MBTPS1: variants seen among roughly 807,000 people sequenced by gnomAD.
MBTPS1 encodes the protein membrane bound transcription factor peptidase, site 1, also known as membrane-bound transcription factor site-1 protease.
MBTPS1 carries 94 observed loss-of-function variants against 127.8 expected under a neutral mutation model. That is an observed-to-expected ratio of 0.74 (90% confidence interval 0.62 to 0.87). MBTPS1 has a LOEUF of 0.87. Ranked by LOEUF, MBTPS1 falls within the 40% of genes least tolerant of loss-of-function variation. MBTPS1 has a pLI of 0.00. For missense variants in MBTPS1, 1,636 were observed against 1,353.2 expected, an observed-to-expected ratio of 1.21 and a Z score of -3.28; for synonymous variants, 632 against 509.4, an observed-to-expected ratio of 1.24 and a Z score of -3.24.
Position 84,060,687 on chromosome 16 carries a change from A to T in MBTPS1, c.2699T>A (p.Met900Lys), listed in dbSNP as rs778374749. Residue 900 changes from methionine to lysine, a missense_variant, in exon 20 of 23, where the codon ATG becomes AAG. Met to Lys is a moderately conservative substitution (Grantham distance 95, BLOSUM62 -1). Coordinates refer to ENST00000343411, the MANE Select transcript of MBTPS1 (RefSeq NM_003791.4). ...CATCCTGCCCATCCACTCACCTTCC[A>T]TCCTCTCTGGAGTGACTGAGCCTGC... ...SGAGSVTPER[M>K]EGNHLHRYSK... The T allele has an allele frequency of 3.7e-6, 6 of 1,613,484 alleles. No homozygotes were observed. In the South Asian group the frequency reaches 5.5e-5, roughly 15 times the overall value.
chr16:84,099,138 C>G lies in MBTPS1; in HGVS notation c.336G>C (p.Ala112=), dbSNP rs776390232. ...EVIQIKEKQK[A]GLLTLEDHPN... The stretch of plus-strand genomic sequence containing the variant: ...GATGATCTTCAAGTGTTAGCAGCCC[C>G]GCTTTCTGTTTTTCTTTTATCTGAA... The change falls in exon 3 of 23, where the codon GCG becomes GCC. Residue 112 remains alanine, a synonymous_variant. Coordinates refer to ENST00000343411, the MANE Select transcript of MBTPS1 (RefSeq NM_003791.4). 3.5e-5 allele frequency: 56 copies of G among 1,614,112 alleles called. No individual in the cohort carries two copies. Among genetic ancestry groups the G allele is most frequent in the Non-Finnish European group, 4.6e-5 (54 of 1,180,016 alleles).
intron 3 of MBTPS1, among the ~76,000 whole-genome samples, chr16:84,097,837 C>CGTGTGTGTGTGTGTGTGT (rs71382894): frequency 4.3e-4 from 62 of 143,106 alleles, no homozygotes; most frequent in African/African-American, 1.3e-3. Flanking sequence ...AACTTCTCTT[C>CGTGTGTGTGTGTGTGTGT]GTGTGTGTGT....
rs553889401 is a variant in MBTPS1, at chr16:84,085,240, T to A, written c.1135-106A>T. ...ACAGAGATATGGGTTAGTTAAAAACTGTATAACCTTAGGAAGGTACTGGTT... is the reference window on the plus strand; with the variant it reads ...ACAGAGATATGGGTTAGTTAAAAACAGTATAACCTTAGGAAGGTACTGGTT... On this transcript the variant is annotated intron_variant, in intron 9 of 22. Coordinates refer to ENST00000343411, the MANE Select transcript of MBTPS1 (RefSeq NM_003791.4). 3 of 1,129,230 alleles carry A rather than the reference T, an allele frequency of 2.7e-6. No individual in the cohort carries two copies. In the African/African-American group the frequency reaches 4.6e-5, roughly 17 times the overall value. 70.0% of individuals were successfully genotyped at this position (1,129,230 alleles called of 1,614,324 possible).
chr16:84,092,781 A>G (rs1419070724), intron 6 of MBTPS1, among the ~76,000 whole-genome samples: 1 of 152,346 alleles, frequency 6.6e-6, no homozygotes, highest in East Asian at 1.9e-4. Flanking sequence ...GTCGGGACAC[A>G]GAGGTAAATA....
chr16:84,065,800 AG>A (rs746067415), intron 17 of MBTPS1, 33 bp from the exon 18 acceptor site: 2 of 1,322,306 alleles, frequency 1.5e-6, no homozygotes, highest in Non-Finnish European at 2.1e-6. Flanking sequence ...AAGGGAACAC[AG>A]GAACGCCGAA....
intron 3 of MBTPS1, among the ~76,000 whole-genome samples, chr16:84,097,504 G>A (rs1041034428): frequency 2.6e-5 from 4 of 152,200 alleles, no homozygotes; most frequent in African/African-American, 9.7e-5. Flanking sequence ...CAGGCACCCG[G>A]AACACACGCA....
At chr16:84,062,751 T>C (rs2085631911) in intron 19 of MBTPS1, among the ~76,000 whole-genome samples, 1 of 152,136 alleles carries the variant, frequency 6.6e-6, no homozygotes, top group Admixed American at 6.5e-5. Flanking sequence ...ATCGAGAGAC[T>C]GACATAAAGA....
At chr16:84,093,103 T>C (rs2086132060) in intron 6 of MBTPS1, 85 bp downstream of exon 6, 1 of 913,462 alleles carries the variant, frequency 1.1e-6, no homozygotes, top group East Asian at 2.4e-5. Context: ...GCACTCCTTT[T>C]ACACAAGTGT....
At chr16:84,075,748 C>G (rs971273562) in intron 11 of MBTPS1, 4 of 152,232 alleles carry the variant, frequency 2.6e-5, no homozygotes, top group African/African-American at 9.6e-5. Context: ...AATGGAATAT[C>G]TTTAGGGATA....
At chr16:84,057,255 T>TAATCAGTCTG (rs1211729516) in intron 21 of MBTPS1, 1 of 152,256 alleles carries the variant, frequency 6.6e-6, no homozygotes, top group African/African-American at 2.4e-5. Context: ...ACTTCAGGCT[T>TAATCAGTCTG]AATCAGTCTG....
chr16:84,108,577 ACT>A (rs1162711315), intron 1 of MBTPS1, among the ~76,000 whole-genome samples: 1 of 152,202 alleles, frequency 6.6e-6, no homozygotes, highest in African/African-American at 2.4e-5. Flanking sequence ...CAAGAAAAGC[ACT>A]TTCTAAAGAG....
At chr16:84,094,561 T>C (rs1226475700) in intron 4 of MBTPS1, among the ~76,000 whole-genome samples, 1 of 152,118 alleles carries the variant, frequency 6.6e-6, no homozygotes, top group Non-Finnish European at 1.5e-5. Context: ...AGCTAACCAA[T>C]GTAAAGAGGG....
intron 8 of MBTPS1, 44 bp from the exon 9 acceptor site, chr16:84,087,504 A>G (rs1161930669): frequency 8.0e-7 from 1 of 1,255,154 alleles, no homozygotes. Context: ...GAAAAAGAAA[A>G]AAACAAGAGA....
At chr16:84,083,539 C>T (rs963425110) in intron 10 of MBTPS1, among the ~76,000 whole-genome samples, 12 of 152,024 alleles carry the variant, frequency 7.9e-5, no homozygotes, top group Non-Finnish European at 1.5e-4. Flanking sequence ...AATCCTCCTG[C>T]CTTGGCCTCC....
intron 3 of MBTPS1, 140 bp downstream of exon 3, chr16:84,098,913 T>C: frequency 1.1e-6 from 1 of 877,402 alleles, no homozygotes. Flanking sequence ...ACTAAAAAAT[T>C]CCTACCAGGA....
At chr16:84,108,469 G>C (rs568863178) in intron 1 of MBTPS1, among the ~76,000 whole-genome samples, 1 of 152,164 alleles carries the variant, frequency 6.6e-6, no homozygotes, top group African/African-American at 2.4e-5. Flanking sequence ...TTGCCATGCT[G>C]GCCAGGCTGG....
chr16:84,098,377 G>A (rs1349270444), intron 3 of MBTPS1, among the ~76,000 whole-genome samples: 1 of 152,190 alleles, frequency 6.6e-6, no homozygotes, highest in Non-Finnish European at 1.5e-5. Context: ...TTGGGAGGCT[G>A]AGGCAGGCAG....
chr16:84,093,193 T>C lies in MBTPS1; in HGVS notation c.841A>G (p.Asn281Asp), dbSNP rs143291850. ...GGAGTCCTCAAAACACCTACCTGAT[T>C]ATTGGTAAAGACCCTGAAAATGTGA... ...ELHIFRVFTN[N>D]QVSYTSWFLD... Residue 281 changes from asparagine to aspartate, a missense_variant, in exon 6 of 23, where the codon AAT (asparagine) becomes GAT (aspartate). By Grantham distance (23) the Asn-to-Asp change is conservative. Transcript: ENST00000343411. The C allele has an allele frequency of 5.6e-6, 9 of 1,608,224 alleles. No homozygotes were observed. In the African/African-American group the frequency reaches 1.2e-4, roughly 22 times the overall value.
At chr16:84,105,688 G>A (rs566303607) in intron 1 of MBTPS1, among the ~76,000 whole-genome samples, 1 of 152,282 alleles carries the variant, frequency 6.6e-6, no homozygotes, top group East Asian at 1.9e-4. Context: ...GGGGAAGAGA[G>A]GACCTCAAGC....
Sources: allele counts gnomAD v4.1 joint callset (sites outside exome capture counted in the v4.1 genomes callset), GRCh38; gene constraint gnomAD v4.1.1; transcripts MANE v1.5; gene names NCBI Gene and HGNC (gene_info 2026-07-23, HGNC 2026-07-21).